Variants in BRF1 observed in about 807,000 individuals in gnomAD.
The protein encoded by BRF1 is transcription factor IIIB 90 kDa subunit.
Under a neutral mutation model 81.7 loss-of-function variants are expected in BRF1, and 59 were observed. The observed-to-expected ratio is 0.72, with a 90% confidence interval of 0.59 to 0.90. The LOEUF is 0.90. BRF1 is among the 40% of genes least tolerant of loss of function. BRF1 has a pLI of 0.00. For missense variants in BRF1, 1,050 were observed against 936.3 expected, an observed-to-expected ratio of 1.12 and a Z score of -1.58; for synonymous variants, 491 against 395.6, an observed-to-expected ratio of 1.24 and a Z score of -2.86.
chr14:105,273,888 G>C (rs1340149068), intron 2 of BRF1, among the ~76,000 whole-genome samples: 1 of 152,190 alleles, frequency 6.6e-6, no homozygotes, highest in Non-Finnish European at 1.5e-5. Context: ...CCCCCAGCCC[G>C]ACACCCGTGA....
chr14:105,212,472 C>T, intron 15 of BRF1: 1 of 374,666 alleles, frequency 2.7e-6, no homozygotes, highest in Non-Finnish European at 4.9e-6. Context: ...TGCCTGGTGC[C>T]CTACCTCACT....
chr14:105,312,828 A>G (rs11847153), intron 1 of BRF1, among the ~76,000 whole-genome samples: 11,366 of 152,250 alleles, frequency 0.075, 1,441 homozygotes, highest in African/African-American at 0.26. Flanking sequence ...CAGGCGTGAC[A>G]CATGGTGTGT....
At chr14:105,228,159 G>A (rs908869131) in intron 7 of BRF1, 1 of 152,236 alleles carries the variant, frequency 6.6e-6, no homozygotes, top group Non-Finnish European at 1.5e-5. Context: ...CAAAGTCCAG[G>A]ACGGGCCACA....
intron 5 of BRF1, chr14:105,249,446 C>T (rs1159095400): frequency 3.1e-6 from 5 of 1,589,318 alleles, no homozygotes; most frequent in Non-Finnish European, 2.6e-6. Context: ...ACATTCCAGA[C>T]GTGGAGCCCG....
At chr14:105,279,102 G>A (rs916206188) in intron 2 of BRF1, among the ~76,000 whole-genome samples, 5 of 152,026 alleles carry the variant, frequency 3.3e-5, no homozygotes, top group South Asian at 2.1e-4. Context: ...CCAACTACTC[G>A]GGAGGCTGAA....
At chr14:105,314,063 G>A (rs2058436264) in intron 1 of BRF1, among the ~76,000 whole-genome samples, 1 of 152,264 alleles carries the variant, frequency 6.6e-6, no homozygotes, top group African/African-American at 2.4e-5. Flanking sequence ...GGGGTCATCT[G>A]GAGCCCTGGA....
At chr14:105,290,930 CAT>C (rs1182317766) in intron 1 of BRF1, among the ~76,000 whole-genome samples, 3 of 152,070 alleles carry the variant, frequency 2.0e-5, no homozygotes, top group African/African-American at 7.2e-5. Context: ...ACACAGGACA[CAT>C]GTGGACAGTG....
intron 5 of BRF1, among the ~76,000 whole-genome samples, chr14:105,251,946 A>G (rs1199353964): frequency 6.6e-6 from 1 of 152,052 alleles, no homozygotes; most frequent in Non-Finnish European, 1.5e-5. Context: ...GAGTTCCACA[A>G]ACTCGCACAC....
chr14:105,229,658 C>A (rs1304366646), intron 6 of BRF1, among the ~76,000 whole-genome samples: 2 of 150,526 alleles, frequency 1.3e-5, no homozygotes, highest in African/African-American at 2.4e-5. Context: ...GACAGCCTGG[C>A]AGCCCCGTGG....
intron 3 of BRF1, among the ~76,000 whole-genome samples, chr14:105,258,072 A>G (rs587658974): frequency 1.6e-4 from 25 of 152,386 alleles, no homozygotes; most frequent in Non-Finnish European, 2.9e-4. Flanking sequence ...CTCATCAACC[A>G]TAACAAATGG....
chr14:105,306,610 T>G (rs867508150), intron 1 of BRF1, among the ~76,000 whole-genome samples: 37 of 151,088 alleles, frequency 2.4e-4, no homozygotes, highest in African/African-American at 8.5e-4. Context: ...GCCTGTTTTT[T>G]GGGGGTTTTT....
intron 1 of BRF1, among the ~76,000 whole-genome samples, chr14:105,311,888 G>A (rs587748858): frequency 1.4e-4 from 22 of 152,334 alleles, no homozygotes; most frequent in South Asian, 4.1e-4. Flanking sequence ...GAGTGGATGC[G>A]GCAGGGCCTG....
At chr14:105,302,141 TGTCTC>T (rs2058053213), upstream of BRF1, among the ~76,000 whole-genome samples, 1 of 149,366 alleles carries the variant, frequency 6.7e-6, no homozygotes, top group Non-Finnish European at 1.5e-5. Flanking sequence ...AGTGAAACTC[TGTCTC>T]AAAAAAAAAA....
intron 5 of BRF1, among the ~76,000 whole-genome samples, chr14:105,244,676 C>T (rs1168277447): frequency 6.6e-6 from 1 of 152,070 alleles, no homozygotes; most frequent in Non-Finnish European, 1.5e-5. Flanking sequence ...ACACTGGAAA[C>T]AACCTTCAAA....
chr14:105,290,083 A>G (rs1222207538), intron 1 of BRF1, among the ~76,000 whole-genome samples: 1 of 152,246 alleles, frequency 6.6e-6, no homozygotes, highest in Non-Finnish European at 1.5e-5. Context: ...CTTTTAATAA[A>G]TAACTCATAT....
rs150564744 is a variant in BRF1 at position 105,250,397 on chromosome 14, G to A, written c.544+2110C>T. On this transcript the variant is annotated intron_variant, in intron 5 of 17. Coordinates refer to ENST00000547530, the MANE Select transcript of BRF1 (RefSeq NM_001519.4). ...CGTGAAGATTGAGCTCAAGCGGCTC[G>A]GGGTGGTTCTGGCTCAGAACTTGAC... is the stretch of plus-strand genomic sequence containing the variant. 43 of 1,613,806 alleles carry A rather than the reference G, an allele frequency of 2.7e-5. No homozygotes were observed. Among genetic ancestry groups the A allele is most frequent in the Admixed American group, 5.0e-5 (3 of 60,030 alleles).
At chr14:105,291,768 C>T (rs1168748055) in intron 1 of BRF1, among the ~76,000 whole-genome samples, 3 of 149,966 alleles carry the variant, frequency 2.0e-5, no homozygotes, top group Non-Finnish European at 4.4e-5. Flanking sequence ...GAGGCCAAGG[C>T]GGGTGGATCA....
chr14:105,250,277 G>C lies in BRF1; in HGVS notation c.544+2230C>G, dbSNP rs371451116. On this transcript the variant is annotated intron_variant, in intron 5 of 17. Coordinates refer to ENST00000547530, the MANE Select transcript of BRF1 (RefSeq NM_001519.4). ...CCGCAGCAACCAGTGGCGGTACCGC[G>C]GGCGCTGCGACAGCATCCAGTTTGC... 1.8e-5 allele frequency: 29 copies of C among 1,612,952 alleles called. No homozygotes were observed. In the African/African-American group the frequency reaches 3.2e-4, roughly 18 times the overall value.
chr14:105,223,564 T>G (rs902370910), intron 10 of BRF1, among the ~76,000 whole-genome samples: 1 of 152,220 alleles, frequency 6.6e-6, no homozygotes, highest in East Asian at 1.9e-4. Context: ...ATATACTATG[T>G]GATCCTACTC....
Sources: gnomAD v4.1 joint callset for allele counts (sites outside exome capture counted in the v4.1 genomes callset) on GRCh38, gnomAD v4.1.1 for gene constraint, MANE v1.5 for transcripts, NCBI Gene and HGNC (gene_info 2026-07-23, HGNC 2026-07-21) for gene names.